BICC1: variants seen among roughly 807,000 people sequenced by gnomAD.
BICC1 encodes the protein BicC family RNA binding protein 1.
A neutral mutation model predicts 111.0 loss-of-function variants in BICC1; 43 were observed. That is an observed-to-expected ratio of 0.39 (90% confidence interval 0.30 to 0.50). The LOEUF (loss-of-function observed/expected upper bound fraction) is 0.50. Among genes scored for constraint, BICC1 ranks in the 20% least tolerant of loss-of-function variants. BICC1 has a pLI of 0.88. For synonymous variants in BICC1, 467 were observed against 434.4 expected (o/e 1.07, Z -0.93); for missense variants, 1,091 against 1,203.2 (o/e 0.91, Z 1.38).
intron 2 of BICC1, among the ~76,000 whole-genome samples, chr10:58,661,608 G>T (rs1053582543): frequency 2.0e-5 from 3 of 152,088 alleles, no homozygotes; most frequent in African/African-American, 7.2e-5. Context: ...TTAGAATTAA[G>T]GTATAGAGTT....
At chr10:58,685,089 C>G (rs1301523003) in intron 2 of BICC1, among the ~76,000 whole-genome samples, 1 of 152,184 alleles carries the variant, frequency 6.6e-6, no homozygotes, top group African/African-American at 2.4e-5. Flanking sequence ...TCATTGGTTT[C>G]AAAGAACATC....
In BICC1 at chr10:58,795,239, A is replaced by T. The variant is rs139863076; in HGVS notation, c.1180-1101A>T. Among the ~76,000 whole-genome samples, 783 of 152,340 alleles carry T rather than the reference A, an allele frequency of 5.1e-3. 6 individuals are homozygous for T. Among genetic ancestry groups the T allele is most frequent in the African/African-American group, 0.018 (742 of 41,580 alleles). On this transcript the variant is annotated intron_variant, in intron 9 of 20. Coordinates refer to ENST00000373886, the MANE Select transcript of BICC1 (RefSeq NM_001080512.3). Reference sequence around the variant, plus strand: ...TTATATAATTTGGTATATGTAAATAATGTGGTAATCGCTGTCCAACTGAAG... The same window carrying T: ...TTATATAATTTGGTATATGTAAATATTGTGGTAATCGCTGTCCAACTGAAG...
intron 2 of BICC1, among the ~76,000 whole-genome samples, chr10:58,636,827 G>A (rs952292014): frequency 7.9e-5 from 12 of 151,972 alleles, no homozygotes; most frequent in African/African-American, 2.9e-4. Context: ...TCATAGAATT[G>A]ATGTTAAAAT....
At chr10:58,823,452 A>G in intron 20 of BICC1, 1 of 984,274 alleles carries the variant, frequency 1.0e-6, no homozygotes, top group Non-Finnish European at 1.2e-6. Flanking sequence ...ATCTCTGTGC[A>G]TCACATTTAA....
rs184689115 is a variant in BICC1 at position 58,683,706 on chromosome 10, T to C, written c.238-18368T>C. Among the ~76,000 whole-genome samples, 11 of 152,304 alleles carry C rather than the reference T, an allele frequency of 7.2e-5. No homozygotes were observed. The East Asian group carries it at 2.1e-3, about 29-fold the overall frequency. On this transcript the variant is annotated intron_variant, in intron 2 of 20. Transcript: ENST00000373886. ...TGTTATTGGTGTATAGGAGTGCTTGTGATTTTGCACACAGATTTTGTATCC... is the reference window on the plus strand; with the variant it reads ...TGTTATTGGTGTATAGGAGTGCTTGCGATTTTGCACACAGATTTTGTATCC...
intron 3 of BICC1, among the ~76,000 whole-genome samples, chr10:58,748,291 G>A (rs4568958): frequency 0.62 from 94,437 of 151,840 alleles, 30,423 homozygotes; most frequent in East Asian, 0.9. Flanking sequence ...CTTATAACCT[G>A]GTGGATCAGG....
At chr10:58,759,856 G>A (rs1842256915) in intron 3 of BICC1, among the ~76,000 whole-genome samples, 2 of 151,978 alleles carry the variant, frequency 1.3e-5, no homozygotes, top group Non-Finnish European at 2.9e-5. Context: ...CTACTCAGGA[G>A]GCTGAGGCAG....
At chr10:58,729,249 A>T (rs1841210547) in intron 3 of BICC1, among the ~76,000 whole-genome samples, 1 of 152,202 alleles carries the variant, frequency 6.6e-6, no homozygotes, top group Non-Finnish European at 1.5e-5. Flanking sequence ...AGTCACCTTC[A>T]TCAATTTTCA....
intron 3 of BICC1, among the ~76,000 whole-genome samples, chr10:58,764,442 G>A (rs1474482744): frequency 6.6e-6 from 1 of 152,060 alleles, no homozygotes; most frequent in Non-Finnish European, 1.5e-5. Flanking sequence ...GAAAGGACCT[G>A]GAATTCACTT....
At chr10:58,652,415 CAT>C (rs1467378442) in intron 2 of BICC1, among the ~76,000 whole-genome samples, 1 of 152,074 alleles carries the variant, frequency 6.6e-6, no homozygotes, top group Non-Finnish European at 1.5e-5. Flanking sequence ...TAAATCTGAA[CAT>C]ATAATAGTAA....
chr10:58,813,655 A>G (rs1314586902), intron 17 of BICC1, among the ~76,000 whole-genome samples, 175 bp from the exon 18 acceptor site: 2 of 152,184 alleles, frequency 1.3e-5, no homozygotes, highest in African/African-American at 4.8e-5. Flanking sequence ...TTGGTGCTGC[A>G]GGGCAAAGGC....
intron 3 of BICC1, among the ~76,000 whole-genome samples, chr10:58,758,278 A>ATACT (rs1842203134): frequency 6.6e-6 from 1 of 152,210 alleles, no homozygotes; most frequent in Non-Finnish European, 1.5e-5. Context: ...TGTGCCATAT[A>ATACT]TACTTATAGA....
intron 1 of BICC1, among the ~76,000 whole-genome samples, chr10:58,561,996 G>T (rs1027790720): frequency 6.6e-6 from 1 of 152,064 alleles, no homozygotes; most frequent in Non-Finnish European, 1.5e-5. Context: ...CTGTTAGTAT[G>T]ATGGGGAGTC....
At chr10:58,670,255 A>G (rs773369487) in intron 2 of BICC1, among the ~76,000 whole-genome samples, 1 of 152,176 alleles carries the variant, frequency 6.6e-6, no homozygotes, top group Non-Finnish European at 1.5e-5. Flanking sequence ...ATCAGCGTGC[A>G]TACCAATTAC....
intron 1 of BICC1, among the ~76,000 whole-genome samples, chr10:58,571,339 T>G (rs546497470): frequency 6.6e-6 from 1 of 152,308 alleles, no homozygotes; most frequent in East Asian, 1.9e-4. Flanking sequence ...ATTTCCAACT[T>G]TTATTGTAAG....
chr10:58,698,909 T>G (rs1169926678), intron 2 of BICC1, among the ~76,000 whole-genome samples: 1 of 152,204 alleles, frequency 6.6e-6, no homozygotes, highest in Non-Finnish European at 1.5e-5. Flanking sequence ...CCGGAGTCCC[T>G]GCTCATAATG....
At chr10:58,775,926 A>G (rs1235110612) in intron 3 of BICC1, among the ~76,000 whole-genome samples, 1 of 152,242 alleles carries the variant, frequency 6.6e-6, no homozygotes, top group Non-Finnish European at 1.5e-5. Context: ...AATTGAACCT[A>G]TAATTAGCTG....
intron 3 of BICC1, among the ~76,000 whole-genome samples, chr10:58,744,827 A>G (rs2132619655): frequency 6.6e-6 from 1 of 152,286 alleles, no homozygotes; most frequent in Middle Eastern, 3.4e-3. Flanking sequence ...ACTGGGTAAT[A>G]GAGAACATCT....
At chr10:58,751,034 C>T (rs570008268) in intron 3 of BICC1, among the ~76,000 whole-genome samples, 2 of 152,208 alleles carry the variant, frequency 1.3e-5, no homozygotes, top group Non-Finnish European at 2.9e-5. Context: ...AGGGAATAAA[C>T]TCTTAATCAC....
Sources: allele counts gnomAD v4.1 joint callset (sites outside exome capture counted in the v4.1 genomes callset), GRCh38; gene constraint gnomAD v4.1.1; transcripts MANE v1.5; gene names NCBI Gene and HGNC (gene_info 2026-07-23, HGNC 2026-07-21).